CHST9: variants seen among roughly 807,000 people sequenced by gnomAD.
CHST9 encodes the protein carbohydrate sulfotransferase 9.
In CHST9, 41 loss-of-function variants were observed where a neutral mutation model predicts 44.4. The observed-to-expected ratio is 0.92, with a 90% CI of 0.72 to 1.20. The LOEUF is 1.20. Among genes scored for constraint, CHST9 ranks in the 50% most tolerant of loss-of-function variants. The pLI is 0.00. For missense variants in CHST9, 504 were observed against 516.5 expected (o/e 0.98, Z 0.23); for synonymous variants, 171 against 178.4 (o/e 0.96, Z 0.33).
At chr18:26,939,274 T>C (rs909983891) in intron 5 of CHST9, among the ~76,000 whole-genome samples, 2 of 152,180 alleles carry the variant, frequency 1.3e-5, no homozygotes, top group African/African-American at 4.8e-5. Flanking sequence ...AGGTCTTATA[T>C]GAGTAAATTT....
intron 2 of CHST9, among the ~76,000 whole-genome samples, chr18:27,091,424 G>T (rs1037932979): frequency 8.5e-5 from 13 of 152,190 alleles, no homozygotes; most frequent in African/African-American, 3.1e-4. Context: ...TTTCCTAATC[G>T]AATACCCTTT....
chr18:27,162,137 T>C (rs1158348398), intron 1 of CHST9, among the ~76,000 whole-genome samples: 1 of 152,242 alleles, frequency 6.6e-6, no homozygotes, highest in Non-Finnish European at 1.5e-5. Flanking sequence ...ATGTGTGAAT[T>C]TGATCCTGTA....
chr18:27,130,862 T>G (rs920207430), intron 2 of CHST9, among the ~76,000 whole-genome samples: 3 of 152,140 alleles, frequency 2.0e-5, no homozygotes, highest in Non-Finnish European at 4.4e-5. Context: ...TATATACAGA[T>G]AGATACCTTT....
chr18:27,140,172 C>G (rs758507730), intron 2 of CHST9, among the ~76,000 whole-genome samples: 1 of 152,126 alleles, frequency 6.6e-6, no homozygotes, highest in Non-Finnish European at 1.5e-5. Context: ...TGAGCAGAGG[C>G]GTGGACCTCG....
chr18:26,945,383 T>G (rs1030700010), intron 4 of CHST9, among the ~76,000 whole-genome samples: 1 of 152,150 alleles, frequency 6.6e-6, no homozygotes, highest in East Asian at 1.9e-4. Context: ...ACCACAAGTA[T>G]CTCCCCTTTT....
intron 5 of CHST9, among the ~76,000 whole-genome samples, chr18:26,933,367 T>C (rs1598570269): frequency 2.0e-5 from 3 of 152,312 alleles, no homozygotes; most frequent in East Asian, 3.9e-4. Flanking sequence ...GCCCACCCAA[T>C]GGGGTTCTGA....
At chr18:27,122,671 A>T (rs374376165) in intron 2 of CHST9, among the ~76,000 whole-genome samples, 1 of 152,228 alleles carries the variant, frequency 6.6e-6, no homozygotes, top group African/African-American at 2.4e-5. Context: ...GAGCTGAAAG[A>T]GTGAAGGAGA....
At chr18:26,960,696 T>C (rs1486838467) in intron 4 of CHST9, among the ~76,000 whole-genome samples, 2 of 152,302 alleles carry the variant, frequency 1.3e-5, no homozygotes, top group Middle Eastern at 3.4e-3. Flanking sequence ...CCAGCATAAA[T>C]GGGTTAAGGG....
In CHST9 at chr18:26,982,191, C is replaced by T. The variant is rs188220670; in HGVS notation, c.203-37825G>A. The stretch of plus-strand genomic sequence containing the variant: ...AAAGATTACAGTGATCCACTTTCTA[C>T]TTCCTCGTCTCTTCATCCACATGTA... On this transcript the variant is annotated intron_variant, in intron 4 of 5. Transcript: ENST00000618847. 3.2e-4 allele frequency among the ~76,000 whole-genome samples: 49 copies of T among 152,306 alleles called. No homozygotes were observed. The East Asian group carries it at 8.3e-3, about 26-fold the overall frequency.
intron 1 of CHST9, among the ~76,000 whole-genome samples, chr18:27,163,472 C>T (rs548964599): frequency 6.6e-6 from 1 of 152,212 alleles, no homozygotes; most frequent in African/African-American, 2.4e-5. Context: ...CCAGTTCAAG[C>T]TTCCTGGCCG....
At chr18:26,939,791 C>T (rs7243196) in intron 5 of CHST9, among the ~76,000 whole-genome samples, 15,530 of 152,168 alleles carry the variant, frequency 0.1, 1,638 homozygotes, top group African/African-American at 0.27. Flanking sequence ...GGGCCTGCAT[C>T]TGCCCCCATC....
At chr18:27,053,218 G>GGAAGAAGAAGAAGAAGAA (rs1198842599) in intron 2 of CHST9, among the ~76,000 whole-genome samples, 1,268 of 32,336 alleles carry the variant, frequency 0.039, 187 homozygotes, top group East Asian at 0.068. Flanking sequence ...AGGAGGAAGA[G>GGAAGAAGAAGAAGAAGAA]GAAGAAGAAG....
At chr18:26,941,946 G>C (rs1212282425) in intron 5 of CHST9, among the ~76,000 whole-genome samples, 1 of 152,126 alleles carries the variant, frequency 6.6e-6, no homozygotes, top group Non-Finnish European at 1.5e-5. Context: ...GAAACTCATA[G>C]CCTGCCTGAT....
At position 27,120,947 on chromosome 18, in the gene CHST9, C is replaced by G. The variant is rs964219438; in HGVS notation, c.121+21742G>C. Among the ~76,000 whole-genome samples, 3 of 152,136 alleles carry G rather than the reference C, an allele frequency of 2.0e-5. No individual in the cohort carries two copies. The South Asian group carries it at 6.2e-4, about 32-fold the overall frequency. ...CTTTAAGAGATGAGCAATTCTACCACCACAGAGTTAAATGTGGTTTCATGG... is the reference window on the plus strand; with the variant it reads ...CTTTAAGAGATGAGCAATTCTACCAGCACAGAGTTAAATGTGGTTTCATGG... On this transcript the variant is annotated intron_variant, in intron 2 of 5. Coordinates refer to ENST00000618847, the MANE Select transcript of CHST9 (RefSeq NM_031422.6).
intron 2 of CHST9, among the ~76,000 whole-genome samples, chr18:27,096,471 C>G (rs1301023224): frequency 6.6e-6 from 1 of 151,426 alleles, no homozygotes; most frequent in Non-Finnish European, 1.5e-5. Context: ...AAAATCCACA[C>G]AAAGAATCAA....
At chr18:26,998,885 G>A (rs1243545875) in intron 4 of CHST9, among the ~76,000 whole-genome samples, 1 of 152,136 alleles carries the variant, frequency 6.6e-6, no homozygotes, top group African/African-American at 2.4e-5. Context: ...ATCCGGGAAG[G>A]ACCTTTGAGG....
intron 3 of CHST9, among the ~76,000 whole-genome samples, chr18:27,028,005 T>A (rs1276882313): frequency 6.6e-6 from 1 of 152,188 alleles, no homozygotes; most frequent in African/African-American, 2.4e-5. Context: ...AACCTCTGCC[T>A]CCTGGGTTCA....
chr18:27,099,841 A>G (rs2058153482), intron 2 of CHST9, among the ~76,000 whole-genome samples: 1 of 152,136 alleles, frequency 6.6e-6, no homozygotes, highest in South Asian at 2.1e-4. Context: ...GACTTAAAAC[A>G]GAACTAACAT....
At chr18:26,983,113 C>T (rs1413987987) in intron 4 of CHST9, among the ~76,000 whole-genome samples, 1 of 152,114 alleles carries the variant, frequency 6.6e-6, no homozygotes, top group Non-Finnish European at 1.5e-5. Context: ...TAAGCAATCA[C>T]TGGTGGTATA....
Sources: allele counts gnomAD v4.1 joint callset (sites outside exome capture counted in the v4.1 genomes callset), GRCh38; gene constraint gnomAD v4.1.1; transcripts MANE v1.5; gene names NCBI Gene and HGNC (gene_info 2026-07-23, HGNC 2026-07-21).